Variants in MGAM2 observed in about 807,000 individuals in gnomAD.
The protein encoded by MGAM2 is probable maltase-glucoamylase 2.
MGAM2 carries 98 observed loss-of-function variants against 96.1 expected under a neutral mutation model. The observed-to-expected ratio is 1.02, with a 90% confidence interval of 0.87 to 1.21. MGAM2 has a LOEUF of 1.21. MGAM2 is among the 50% of genes most tolerant of loss of function. The probability of loss-of-function intolerance (pLI) is 0.00; values close to 1 mark genes in which losing one functional copy is unlikely to be tolerated. For missense variants in MGAM2, 2,055 were observed against 1,182.4 expected, an observed-to-expected ratio of 1.74 and a Z score of -10.82; for synonymous variants, 749 against 414.8, an observed-to-expected ratio of 1.81 and a Z score of -9.79.
At position 142,173,116 on chromosome 7, in the gene MGAM2, G is replaced by T. The variant is rs747604645; in HGVS notation, c.3562-113G>T. 5.8e-5 allele frequency: 33 copies of T among 573,620 alleles called. No homozygotes were observed. In the Admixed American group the frequency reaches 8.0e-4, roughly 14 times the overall value. The allele number at this position is 573,620 out of a possible 1,614,324, so 35.5% of individuals were successfully genotyped here. On this transcript the variant is annotated intron_variant, in intron 30 of 47. Coordinates refer to ENST00000477922, the MANE Select transcript of MGAM2 (RefSeq NM_001293626.2). The stretch of plus-strand genomic sequence containing the variant: ...TGTTGGACTTTCTTATCTTTCTTGG[G>T]TGAGGCCTCTTATACAGTACTTAGC...
rs193279612 is a variant in MGAM2 at position 142,168,493 on chromosome 7, C to A, written c.3027+1007C>A. Among the ~76,000 whole-genome samples the A allele has an allele frequency of 3.7e-3, 561 of 152,194 alleles. 6 individuals are homozygous for A. The highest frequency in any genetic ancestry group is 0.013 in the African/African-American group (529 of 41,526). On this transcript the variant is annotated intron_variant, in intron 26 of 47. Coordinates refer to ENST00000477922, the MANE Select transcript of MGAM2 (RefSeq NM_001293626.2). ...CCATGTTGGCCAGGCTGGTCTCGAACTCCTGACCTCAGGTAATCCACCCAC... is the reference window on the plus strand; with the variant it reads ...CCATGTTGGCCAGGCTGGTCTCGAAATCCTGACCTCAGGTAATCCACCCAC...
At chr7:142,115,798 T>A (rs73156613) in intron 1 of MGAM2, among the ~76,000 whole-genome samples, 14,821 of 152,112 alleles carry the variant, frequency 0.097, 1,469 homozygotes, top group African/African-American at 0.25. Flanking sequence ...TGAGGCGAGA[T>A]CGTGCCATTG....
At chr7:142,199,845 T>C in intron 44 of MGAM2, 35 bp from the exon 45 acceptor site, 1 of 664,798 alleles carries the variant, frequency 1.5e-6, no homozygotes, top group African/African-American at 1.9e-5. Context: ...ACCTACAATC[T>C]AGAGAAAAAT....
chr7:142,179,392 T>C (rs1053306799), intron 32 of MGAM2, among the ~76,000 whole-genome samples: 19 of 152,192 alleles, frequency 1.2e-4, no homozygotes, highest in African/African-American at 3.9e-4. Context: ...TTCAGTACTA[T>C]GTTAAATAGG....
chr7:142,163,155 A>G (rs1456381059), intron 23 of MGAM2, among the ~76,000 whole-genome samples: 1 of 152,150 alleles, frequency 6.6e-6, no homozygotes, highest in Non-Finnish European at 1.5e-5. Flanking sequence ...CAAGTTATGG[A>G]ACCTTTTAAA....
At chr7:142,171,536 A>ATCTTATAT in intron 28 of MGAM2, 96 bp downstream of exon 28, 1 of 587,022 alleles carries the variant, frequency 1.7e-6, no homozygotes, top group East Asian at 3.0e-5. Flanking sequence ...CATCAACCTC[A>ATCTTATAT]TCTTATATTG....
Position 142,183,341 on chromosome 7 carries a change from T to A in MGAM2, c.3892T>A (p.Trp1298Arg), listed in dbSNP as rs1443958894. 1.4e-6 allele frequency: 1 copy of A among 703,214 alleles called. No homozygotes were observed. Among genetic ancestry groups the A allele is most frequent in the East Asian group, 2.7e-5 (1 of 37,258 alleles). 43.6% of individuals were successfully genotyped at this position (703,214 alleles called of 1,614,324 possible). A position where few individuals can be genotyped will look rare whatever the true frequency, so the allele number is the denominator to read the frequency against. ...RGQENNVFIK[W>R]PDTNDIVWGK... is the part of the protein sequence containing the mutation. Reference sequence around the variant, plus strand: ...ACAGGAAAATAACGTGTTCATCAAATGGCCTGACACCAATGACATTGTCTG... The same window carrying A: ...ACAGGAAAATAACGTGTTCATCAAAAGGCCTGACACCAATGACATTGTCTG... Residue 1298 changes from tryptophan to arginine, a missense_variant, in exon 33 of 48, where the codon TGG (tryptophan) becomes AGG (arginine). Transcript: ENST00000477922.
intron 40 of MGAM2, among the ~76,000 whole-genome samples, chr7:142,197,124 A>G (rs1215456831): frequency 1.3e-5 from 2 of 152,138 alleles, no homozygotes; most frequent in Non-Finnish European, 2.9e-5. Flanking sequence ...AAATTCATCG[A>G]AGATATGTTG....
intron 6 of MGAM2, among the ~76,000 whole-genome samples, chr7:142,132,611 A>G (rs1290217085): frequency 2.3e-5 from 3 of 129,206 alleles, no homozygotes; most frequent in Non-Finnish European, 4.6e-5. Flanking sequence ...TATTTAATAC[A>G]TAATTTAAAA....
At chr7:142,213,026 A>G (rs1255761799) in intron 46 of MGAM2, among the ~76,000 whole-genome samples, 1 of 152,234 alleles carries the variant, frequency 6.6e-6, no homozygotes, top group Non-Finnish European at 1.5e-5. Context: ...CAGGATTAAG[A>G]AACTCACTCA....
chr7:142,208,369 A>G lies in MGAM2; in HGVS notation c.5138-204A>G, dbSNP rs1159467714. ...TTGTAACCTTCTGACCTCCCCGGCA[A>G]GGTACCCATTTGCATTTGCACATCC... On this transcript the variant is annotated intron_variant, in intron 45 of 47. Coordinates refer to ENST00000477922, the MANE Select transcript of MGAM2 (RefSeq NM_001293626.2). The G allele has an allele frequency of 6.1e-6, 4 of 656,458 alleles. No homozygotes were observed. The East Asian group carries it at 1.2e-4, about 19-fold the overall frequency. The allele number at this position is 656,458 out of a possible 1,614,324, so 40.7% of individuals were successfully genotyped here. A position where few individuals can be genotyped will look rare whatever the true frequency, so the allele number is the denominator to read the frequency against.
Position 142,131,955 on chromosome 7 carries a change from T to C in MGAM2, c.445T>C (p.Tyr149His), listed in dbSNP as rs1423979926. Residue 149 changes from tyrosine to histidine, a missense_variant, in exon 6 of 48, where the codon TAT (tyrosine) becomes CAT (histidine). Physicochemically the swap from Tyr to His is moderately conservative, Grantham distance 83. Coordinates refer to ENST00000477922, the MANE Select transcript of MGAM2 (RefSeq NM_001293626.2). ...GATCACTGACTTTAATAACATACGC[T>C]ATGAAGTTTCCCATGAAAATATTAA... ...FKITDFNNIRYEVSHENINLV... is the reference protein window; with the variant it reads ...FKITDFNNIRHEVSHENINLV... 4 of 702,632 alleles carry C rather than the reference T, an allele frequency of 5.7e-6. No homozygotes were observed. The Admixed American group carries it at 6.0e-5, about 11-fold the overall frequency. The allele number at this position is 702,632 out of a possible 1,614,324, so 43.5% of individuals were successfully genotyped here. A position where few individuals can be genotyped will look rare whatever the true frequency, so the allele number is the denominator to read the frequency against.
At chr7:142,172,845 T>C in intron 30 of MGAM2, 81 bp downstream of exon 30, 1 of 596,870 alleles carries the variant, frequency 1.7e-6, no homozygotes, top group Non-Finnish European at 3.0e-6. Flanking sequence ...GATAGGGCAG[T>C]TTTTTCTTTT....
At chr7:142,111,874 G>C (rs1817181972) in intron 1 of MGAM2, 67 bp downstream of exon 1, 1 of 152,184 alleles carries the variant, frequency 6.6e-6, no homozygotes, top group African/African-American at 2.4e-5. Flanking sequence ...CTTTTTGTGT[G>C]ATTTTCTGTC....
At chr7:142,132,598 A>C (rs1417662307) in intron 6 of MGAM2, among the ~76,000 whole-genome samples, 1 of 129,618 alleles carries the variant, frequency 7.7e-6, no homozygotes, top group African/African-American at 3.0e-5. Context: ...TATATAATTT[A>C]TATATTTAAT....
chr7:142,174,548 T>A (rs942983123), intron 31 of MGAM2, among the ~76,000 whole-genome samples: 2 of 152,028 alleles, frequency 1.3e-5, no homozygotes, highest in African/African-American at 4.8e-5. Flanking sequence ...TGAAGTTGCT[T>A]ATCAGGTTAA....
Position 142,221,316 on chromosome 7 carries a change from GTGAC to G in MGAM2, c.6807_6810del (p.Thr2270LeufsTer19). 1.5e-6 allele frequency: 1 copy of G among 651,096 alleles called. No individual in the cohort carries two copies. The highest frequency in any genetic ancestry group is 1.7e-5 in the South Asian group (1 of 57,776). 40.3% of individuals were successfully genotyped at this position (651,096 alleles called of 1,614,324 possible). On this transcript the variant is annotated frameshift_variant, in exon 48 of 48. Transcript: ENST00000477922. LOFTEE classifies it low-confidence loss of function (END_TRUNC). Reference sequence around the variant, plus strand: ...TTCTTTTGGTAATAGTGTTCCTTTTGTGACTACTCCTTCTCCAAGTACTGATGCT... The same window carrying G: ...TTCTTTTGGTAATAGTGTTCCTTTTGTACTCCTTCTCCAAGTACTGATGCT...
At chr7:142,184,138 A>AAT (rs1299101704) in intron 33 of MGAM2, among the ~76,000 whole-genome samples, 1 of 151,222 alleles carries the variant, frequency 6.6e-6, no homozygotes, top group Admixed American at 6.6e-5. Context: ...ACTCCTGATT[A>AAT]ATTTTTGTAT....
chr7:142,180,388 G>A (rs1231824904), intron 32 of MGAM2, among the ~76,000 whole-genome samples: 3 of 144,764 alleles, frequency 2.1e-5, no homozygotes, highest in South Asian at 4.8e-4. Flanking sequence ...TTTCTTCTGC[G>A]ATCTTTGGGG....
Sources: allele counts gnomAD v4.1 joint callset (sites outside exome capture counted in the v4.1 genomes callset), GRCh38; gene constraint gnomAD v4.1.1; transcripts MANE v1.5; gene names NCBI Gene and HGNC (gene_info 2026-07-23, HGNC 2026-07-21).